The following GRIN2A variants were observed in gnomAD, a reference collection of about 807,000 sequenced individuals.
GRIN2A encodes glutamate receptor ionotropic, NMDA 2A.
In GRIN2A, 22 loss-of-function variants were observed where a neutral mutation model predicts 113.4. The ratio of observed to expected loss-of-function variants is 0.19; its 90% CI spans 0.14 to 0.28. The LOEUF is 0.28. Ranked by LOEUF, GRIN2A falls within the 10% of genes least tolerant of loss-of-function variation. GRIN2A has a pLI of 1.00. For synonymous variants in GRIN2A, 827 were observed against 738.4 expected (o/e 1.12, Z -1.94); for missense variants, 1,502 against 1,887.0 (o/e 0.80, Z 3.78).
chr16:9,940,699 A>T (rs964039527), intron 2 of GRIN2A, among the ~76,000 whole-genome samples: 2 of 152,168 alleles, frequency 1.3e-5, no homozygotes, highest in African/African-American at 4.8e-5. Flanking sequence ...TATTGTGTCC[A>T]AAACAAAACA....
chr16:9,795,927 T>C (rs894878061), intron 11 of GRIN2A, among the ~76,000 whole-genome samples: 1 of 152,198 alleles, frequency 6.6e-6, no homozygotes, highest in Non-Finnish European at 1.5e-5. Flanking sequence ...TCTTCCCTAA[T>C]TGGCCCCCTT....
chr16:9,943,909 T>C (rs1316298810), intron 2 of GRIN2A, among the ~76,000 whole-genome samples: 1 of 152,352 alleles, frequency 6.6e-6, no homozygotes, highest in South Asian at 2.1e-4. Context: ...GTTTTTCCTC[T>C]GTCTCTTCTC....
chr16:9,876,342 T>C (rs956382250), intron 4 of GRIN2A, among the ~76,000 whole-genome samples: 1 of 152,154 alleles, frequency 6.6e-6, no homozygotes, highest in African/African-American at 2.4e-5. Context: ...CAGCTATGCT[T>C]GATGCACTGC....
chr16:9,959,980 C>A (rs2045401945), intron 2 of GRIN2A, among the ~76,000 whole-genome samples: 1 of 152,078 alleles, frequency 6.6e-6, no homozygotes, highest in African/African-American at 2.4e-5. Flanking sequence ...CTCAAAAAAA[C>A]AAACAAAAAC....
intron 11 of GRIN2A, among the ~76,000 whole-genome samples, chr16:9,774,065 A>G (rs1049675504): frequency 1.3e-5 from 2 of 151,634 alleles, no homozygotes; most frequent in African/African-American, 4.9e-5. Flanking sequence ...TGTGTCTCCA[A>G]CTTGCTTCCA....
chr16:10,056,195 C>T (rs1228843341), intron 2 of GRIN2A, among the ~76,000 whole-genome samples: 3 of 152,310 alleles, frequency 2.0e-5, no homozygotes, highest in African/African-American at 7.2e-5. Flanking sequence ...AATTTCTACT[C>T]TGAAGAAATT....
intron 4 of GRIN2A, among the ~76,000 whole-genome samples, chr16:9,855,469 T>A (rs933692463): frequency 1.1e-4 from 17 of 152,194 alleles, no homozygotes; most frequent in African/African-American, 3.6e-4. Context: ...CAAATGGAGA[T>A]CTGAGTTTCT....
At chr16:9,870,454 T>C (rs1043960337) in intron 4 of GRIN2A, among the ~76,000 whole-genome samples, 1 of 152,124 alleles carries the variant, frequency 6.6e-6, no homozygotes, top group Admixed American at 6.5e-5. Context: ...TGCGTGTCAT[T>C]ATGTGGATAA....
intron 2 of GRIN2A, among the ~76,000 whole-genome samples, chr16:9,970,375 A>G (rs2045646928): frequency 6.6e-6 from 1 of 152,198 alleles, no homozygotes; most frequent in Non-Finnish European, 1.5e-5. Flanking sequence ...TGCATTGCCC[A>G]CTAGAGAGAC....
chr16:9,809,533 A>C (rs1483600514), intron 10 of GRIN2A, among the ~76,000 whole-genome samples: 1 of 152,046 alleles, frequency 6.6e-6, no homozygotes, highest in Non-Finnish European at 1.5e-5. Context: ...AGCCAAAGGA[A>C]TGCTTATCTG....
intron 2 of GRIN2A, among the ~76,000 whole-genome samples, chr16:10,168,874 A>G (rs1416731909): frequency 1.3e-5 from 2 of 151,956 alleles, no homozygotes; most frequent in Non-Finnish European, 1.5e-5. Context: ...CTGAGGCAGG[A>G]GCATCACTTG....
intron 2 of GRIN2A, among the ~76,000 whole-genome samples, chr16:10,173,016 C>T (rs1395527667): frequency 6.6e-6 from 1 of 152,154 alleles, no homozygotes; most frequent in Non-Finnish European, 1.5e-5. Flanking sequence ...CCGCTGCAAA[C>T]CCACCAGACC....
chr16:10,180,733 A>G lies in GRIN2A; in HGVS notation c.-18-304T>C, dbSNP rs2142393041. Reference sequence around the variant, plus strand: ...CATCTCTGTCCATATCCCCCACCGCATTCCCCAAGTTCGCCGCGGGCCACA... The same window carrying G: ...CATCTCTGTCCATATCCCCCACCGCGTTCCCCAAGTTCGCCGCGGGCCACA... On this transcript the variant is annotated intron_variant, in intron 1 of 12. Coordinates refer to ENST00000330684, the MANE Select transcript of GRIN2A (RefSeq NM_001134407.3). This position sits in a 1 kb window ranked among gnomAD's most constrained non-coding sequence, Gnocchi z 7.0. 1 of 514,674 alleles carries G rather than the reference A, an allele frequency of 1.9e-6. No individual in the cohort carries two copies. Among genetic ancestry groups the G allele is most frequent in the African/African-American group, 2.0e-5 (1 of 51,254 alleles). The allele number at this position is 514,674 out of a possible 1,614,324, so 31.9% of individuals were successfully genotyped here. A position where few individuals can be genotyped will look rare whatever the true frequency, so the allele number is the denominator to read the frequency against.
At chr16:10,127,823 C>T (rs72776050) in intron 2 of GRIN2A, among the ~76,000 whole-genome samples, 14,105 of 152,198 alleles carry the variant, frequency 0.093, 738 homozygotes, top group Non-Finnish European at 0.11. Context: ...AATTAAACCT[C>T]GCCCAAAAAG....
intron 2 of GRIN2A, among the ~76,000 whole-genome samples, chr16:10,063,846 C>T (rs1003323028): frequency 6.6e-6 from 1 of 152,118 alleles, no homozygotes; most frequent in South Asian, 2.1e-4. Flanking sequence ...TTTCTTGCAC[C>T]GCCAAAAGCC....
Position 10,169,471 on chromosome 16 carries a change from T to A in GRIN2A, c.414+10527A>T, listed in dbSNP as rs548369880. Among the ~76,000 whole-genome samples, 17 of 152,306 alleles carry A rather than the reference T, an allele frequency of 1.1e-4. No homozygotes were observed. In the South Asian group the frequency reaches 3.1e-3, roughly 28 times the overall value. ...TGACCCAGTTCTGGCCACTGACATG[T>A]AAGAGGAAGTCTACTCCAATGAAAG... On this transcript the variant is annotated intron_variant, in intron 2 of 12. Coordinates refer to ENST00000330684, the MANE Select transcript of GRIN2A (RefSeq NM_001134407.3).
At chr16:9,954,715 A>C (rs1774606725) in intron 2 of GRIN2A, among the ~76,000 whole-genome samples, 1 of 152,164 alleles carries the variant, frequency 6.6e-6, no homozygotes, top group South Asian at 2.1e-4. Flanking sequence ...AAACAAAACA[A>C]AACAAAAAGG....
chr16:9,811,059 C>T (rs905864078), intron 10 of GRIN2A, among the ~76,000 whole-genome samples: 5 of 152,142 alleles, frequency 3.3e-5, no homozygotes, highest in African/African-American at 1.2e-4. Context: ...TACATTAACA[C>T]CATGACCTTT....
At chr16:9,852,593 G>C (rs1479497270) in intron 4 of GRIN2A, among the ~76,000 whole-genome samples, 1 of 152,180 alleles carries the variant, frequency 6.6e-6, no homozygotes, top group Non-Finnish European at 1.5e-5. Context: ...GGTTGAAGAT[G>C]AGTGGTAGGT....
Sources: gnomAD v4.1 joint callset for allele counts (sites outside exome capture counted in the v4.1 genomes callset) on GRCh38, gnomAD v4.1.1 for gene constraint, Gnocchi (gnomAD v3.1) non-coding constraint, MANE v1.5 for transcripts, NCBI Gene and HGNC (gene_info 2026-07-23, HGNC 2026-07-21) for gene names.